TXN2: variants seen among roughly 807,000 people sequenced by gnomAD.
TXN2 encodes thioredoxin, mitochondrial.
A neutral mutation model predicts 14.6 loss-of-function variants in TXN2; 12 were observed. The ratio of observed to expected loss-of-function variants is 0.82; its 90% CI spans 0.53 to 1.33. TXN2 has a LOEUF of 1.33. Among genes scored for constraint, TXN2 ranks in the 40% most tolerant of loss-of-function variants. The pLI is 0.00. For synonymous variants in TXN2, 89 were observed against 81.0 expected, an observed-to-expected ratio of 1.10 and a Z score of -0.53; for missense variants, 173 against 207.7, an observed-to-expected ratio of 0.83 and a Z score of 1.03.
chr22:36,479,230 T>C (rs1183462530), intron 2 of TXN2, among the ~76,000 whole-genome samples: 1 of 151,952 alleles, frequency 6.6e-6, no homozygotes, highest in African/African-American at 2.4e-5. Flanking sequence ...CACAAAGATA[T>C]CAAGTGGCCT....
At position 36,481,597 on chromosome 22, in the gene TXN2, T is replaced by C. The variant is rs537169944; in HGVS notation, c.-34A>G. The stretch of plus-strand genomic sequence containing the variant: ...AATGCGAGCGGAGGGATGCACAGCC[T>C]AGCCCTCCCTGCCTGTCAAGGGCAC... On this transcript the variant is annotated 5_prime_UTR_variant, in exon 1 of 4. Transcript: ENST00000216185. The C allele has an allele frequency of 1.5e-4, 148 of 999,050 alleles. No homozygotes were observed. The South Asian group carries it at 6.2e-3, about 42-fold the overall frequency. The allele number at this position is 999,050 out of a possible 1,614,324, so 61.9% of individuals were successfully genotyped here. A position where few individuals can be genotyped will look rare whatever the true frequency, so the allele number is the denominator to read the frequency against.
At chr22:36,476,961 ATC>A (rs1398832804) in intron 2 of TXN2, 105 bp from the exon 3 acceptor site, 10 of 1,537,610 alleles carry the variant, frequency 6.5e-6, no homozygotes, top group African/African-American at 1.4e-5. Flanking sequence ...TGCCCTTATT[ATC>A]TCTGTTTACC....
At chr22:36,471,683 T>C (rs952473340) in intron 3 of TXN2, among the ~76,000 whole-genome samples, 1 of 152,140 alleles carries the variant, frequency 6.6e-6, no homozygotes, top group African/African-American at 2.4e-5. Flanking sequence ...AATGATGTGG[T>C]GTAGGACAGG....
intron 1 of TXN2, 52 bp downstream of exon 1, chr22:36,481,512 C>G: frequency 1.1e-6 from 1 of 944,450 alleles, no homozygotes; most frequent in Non-Finnish European, 1.3e-6. Context: ...AACGCGCTCG[C>G]GGCATGCCTC....
At chr22:36,474,682 G>A (rs1312237131) in intron 3 of TXN2, among the ~76,000 whole-genome samples, 1 of 152,234 alleles carries the variant, frequency 6.6e-6, no homozygotes, top group African/African-American at 2.4e-5. Context: ...TCGAGTGCCA[G>A]ACTAAAAGTG....
rs772949536 is a variant in TXN2, at chr22:36,480,716, C to T, written c.122G>A (p.Gly41Asp). 1 of 1,614,084 alleles carries T rather than the reference C, an allele frequency of 6.2e-7. No individual in the cohort carries two copies. The highest frequency in any genetic ancestry group is 8.5e-7 in the Non-Finnish European group (1 of 1,180,030). ...ALQTPQCSPGGLTVTPNPART... is the reference protein window; with the variant it reads ...ALQTPQCSPGDLTVTPNPART... ...GGCTGGGTTGGGTGTTACAGTCAGGCCACCAGGACTGCATTGTGGGGTCTG... is the reference window on the plus strand; with the variant it reads ...GGCTGGGTTGGGTGTTACAGTCAGGTCACCAGGACTGCATTGTGGGGTCTG... Residue 41 changes from glycine (G) to aspartate (D), a missense_variant, in exon 2 of 4, where the codon GGC becomes GAC. Physicochemically the swap from Gly to Asp is moderately conservative, Grantham distance 94. Coordinates refer to ENST00000216185, the MANE Select transcript of TXN2 (RefSeq NM_012473.4).
Position 36,480,673 on chromosome 22 carries a change from CG to C in TXN2, c.164del (p.Thr55ArgfsTer5), listed in dbSNP as rs1568979929. 6.2e-7 allele frequency: 1 copy of C among 1,614,158 alleles called. No homozygotes were observed. The highest frequency in any genetic ancestry group is 1.7e-5 in the Admixed American group (1 of 60,022). On this transcript the variant is annotated frameshift_variant, in exon 2 of 4. Coordinates refer to ENST00000216185, the MANE Select transcript of TXN2 (RefSeq NM_012473.4). LOFTEE classifies it high-confidence loss of function. ...TATTAAAGGTTGTCAAGGAGATCCT[CG>C]TGGTGTATATTGTCCGGGCTGGGTT... ...TPNPARTIYTTRISLTTFNIQ... is the reference protein window; with the variant it reads ...TPNPARTIYTXRISLTTFNIQ...
rs1568974762 is a variant in TXN2, at chr22:36,468,044, G to T, written c.388-127C>A. The T allele has an allele frequency of 4.7e-5, 36 of 762,712 alleles. No individual in the cohort carries two copies. In the South Asian group the frequency reaches 5.3e-4, roughly 11 times the overall value. 47.2% of individuals were successfully genotyped at this position (762,712 alleles called of 1,614,324 possible). A position where few individuals can be genotyped will look rare whatever the true frequency, so the allele number is the denominator to read the frequency against. ...ACTGACTTCCCAAAGCCATGGGCAG[G>T]CCTAGAGGAACATGGCTCTTCTCTC... is the stretch of plus-strand genomic sequence containing the variant. On this transcript the variant is annotated intron_variant, in intron 3 of 3. Coordinates refer to ENST00000216185, the MANE Select transcript of TXN2 (RefSeq NM_012473.4).
intron 3 of TXN2, among the ~76,000 whole-genome samples, chr22:36,476,067 A>G (rs5756204): frequency 0.8 from 121,925 of 152,090 alleles, 50,109 homozygotes; most frequent in African/African-American, 0.9. Context: ...CTTGCTTGGA[A>G]ACAAGATCTC....
intron 3 of TXN2, among the ~76,000 whole-genome samples, chr22:36,473,336 G>A (rs1471968818): frequency 2.0e-5 from 3 of 152,142 alleles, no homozygotes; most frequent in Admixed American, 6.6e-5. Flanking sequence ...CCAGCTACTC[G>A]GGAGGCTGAG....
At chr22:36,481,298 G>A (rs1408622638) in intron 1 of TXN2, 1 of 154,498 alleles carries the variant, frequency 6.5e-6, no homozygotes, top group East Asian at 1.9e-4. Context: ...CTGGAACCCA[G>A]GGTCGTCTGA....
rs778899252 is a variant in TXN2, at chr22:36,467,922, G to A, written c.388-5C>T. ...CACAGTGGGCACCGCTGACACCTGG[G>A]TGGAGAGGACAAGGGGGTCCAAGTG... On this transcript the variant is annotated splice_polypyrimidine_tract_variant and splice_region_variant and intron_variant, in intron 3 of 3. Coordinates refer to ENST00000216185, the MANE Select transcript of TXN2 (RefSeq NM_012473.4). The A allele has an allele frequency of 1.9e-6, 3 of 1,613,430 alleles. No homozygotes were observed. Among genetic ancestry groups the A allele is most frequent in the Non-Finnish European group, 2.5e-6 (3 of 1,179,332 alleles).
In TXN2 at chr22:36,476,873, G is replaced by A; in HGVS notation, c.264-17C>T. 2 of 1,614,074 alleles carry A rather than the reference G, an allele frequency of 1.2e-6. No homozygotes were observed. The highest frequency in any genetic ancestry group is 1.7e-6 in the Non-Finnish European group (2 of 1,179,966). On this transcript the variant is annotated splice_polypyrimidine_tract_variant and intron_variant, in intron 2 of 3. Coordinates refer to ENST00000216185, the MANE Select transcript of TXN2 (RefSeq NM_012473.4). ...CCACACCACCTCAAAAGGCGAGAAA[G>A]GAAGCATCCAGTCAGTCAAAAGAGC...
intron 1 of TXN2, chr22:36,481,156 T>C (rs1304801748): frequency 1.9e-5 from 4 of 215,492 alleles, no homozygotes; most frequent in Non-Finnish European, 3.7e-5. Flanking sequence ...ACACACATTA[T>C]TGGTCTTCCT....
intron 2 of TXN2, among the ~76,000 whole-genome samples, chr22:36,478,287 C>G (rs1450617303): frequency 6.6e-6 from 1 of 152,158 alleles, no homozygotes; most frequent in Non-Finnish European, 1.5e-5. Context: ...GTGCTGTCAT[C>G]TCTATGTATG....
chr22:36,470,504 C>T (rs920565258), intron 3 of TXN2, among the ~76,000 whole-genome samples: 1 of 152,226 alleles, frequency 6.6e-6, no homozygotes, highest in African/African-American at 2.4e-5. Context: ...GCCACCGGCT[C>T]CCACCTGCAC....
rs538335985 is a variant in TXN2 at position 36,471,771 on chromosome 22, C to A, written c.388-3854G>T. Among the ~76,000 whole-genome samples the A allele has an allele frequency of 1.3e-4, 20 of 152,134 alleles. No individual in the cohort carries two copies. The East Asian group carries it at 3.9e-3, about 29-fold the overall frequency. ...ATCATCTGAGGTCAGGAATTCGAGACAAGGCCGGCCAATGTGGTGAAACCT... is the reference window on the plus strand; with the variant it reads ...ATCATCTGAGGTCAGGAATTCGAGAAAAGGCCGGCCAATGTGGTGAAACCT... On this transcript the variant is annotated intron_variant, in intron 3 of 3. Transcript: ENST00000216185.
At chr22:36,474,400 C>T (rs929723883) in intron 3 of TXN2, among the ~76,000 whole-genome samples, 4 of 152,300 alleles carry the variant, frequency 2.6e-5, no homozygotes, top group Admixed American at 6.5e-5. Flanking sequence ...GTTCTCACCC[C>T]GCTCCCAACC....
chr22:36,470,189 C>T (rs1338779310), intron 3 of TXN2, among the ~76,000 whole-genome samples: 3 of 152,204 alleles, frequency 2.0e-5, no homozygotes, highest in Non-Finnish European at 4.4e-5. Context: ...CCCGCCCTCA[C>T]CCACTAACTT....
Sources: allele counts gnomAD v4.1 joint callset (sites outside exome capture counted in the v4.1 genomes callset), GRCh38; gene constraint gnomAD v4.1.1; transcripts MANE v1.5; gene names NCBI Gene and HGNC (gene_info 2026-07-23, HGNC 2026-07-21).